Variants in ARIH1 observed in about 807,000 individuals in gnomAD.
ARIH1 encodes the protein E3 ubiquitin-protein ligase ARIH1.
ARIH1 carries 8 observed loss-of-function variants against 85.0 expected under a neutral mutation model. That is an observed-to-expected ratio of 0.09 (90% confidence interval 0.06 to 0.17). ARIH1 has a LOEUF of 0.17. ARIH1 is among the 10% of genes least tolerant of loss of function. ARIH1 has a pLI of 1.00. For missense variants in ARIH1, 311 were observed against 718.1 expected (o/e 0.43, Z 6.48); for synonymous variants, 238 against 253.6 (o/e 0.94, Z 0.59).
At chr15:72,561,797 A>C (rs948243551) in intron 6 of ARIH1, among the ~76,000 whole-genome samples, 1 of 152,030 alleles carries the variant, frequency 6.6e-6, no homozygotes, top group Non-Finnish European at 1.5e-5. Flanking sequence ...ACATGGCGAA[A>C]CCCTGTCTCT....
At chr15:72,506,980 TTATGTATG>T (rs72006883) in intron 1 of ARIH1, among the ~76,000 whole-genome samples, 14,366 of 149,992 alleles carry the variant, frequency 0.096, 744 homozygotes, top group African/African-American at 0.12. Flanking sequence ...GTGATTATTT[TTATGTATG>T]TATGTATGTA....
intron 1 of ARIH1, among the ~76,000 whole-genome samples, chr15:72,482,258 G>A (rs916686407): frequency 6.6e-6 from 1 of 152,110 alleles, no homozygotes; most frequent in Non-Finnish European, 1.5e-5. Context: ...TTATTAGTAT[G>A]CTGGAAGAGA....
rs754582687 is a variant in ARIH1 at position 72,595,592 on chromosome 15, C to T, written c.*12300C>T. 2 of 152,278 alleles carry T rather than the reference C, an allele frequency of 1.3e-5. No individual in the cohort carries two copies. The highest frequency in any genetic ancestry group is 2.4e-5 in the African/African-American group (1 of 41,452). The allele number at this position is 152,278 out of a possible 1,614,324, so 9.4% of individuals were successfully genotyped here. A position where few individuals can be genotyped will look rare whatever the true frequency, so the allele number is the denominator to read the frequency against. ...TTTCTTGGCTCCAGCAATCATCCTG[C>T]CTCAGCCTCCCGAGTAGCTGGGACC... On this transcript the variant is annotated 3_prime_UTR_variant, in exon 14 of 14. Transcript: ENST00000379887.
intron 11 of ARIH1, among the ~76,000 whole-genome samples, chr15:72,575,323 A>G (rs1268039310): frequency 6.6e-6 from 1 of 152,148 alleles, no homozygotes; most frequent in South Asian, 2.1e-4. Context: ...TCACGCCTGC[A>G]ATCCTAGCAC....
intron 5 of ARIH1, among the ~76,000 whole-genome samples, chr15:72,560,946 C>T (rs2064194932): frequency 6.6e-6 from 1 of 152,076 alleles, no homozygotes; most frequent in South Asian, 2.1e-4. Flanking sequence ...CAGAAGAGGC[C>T]AGGATGCAGT....
At chr15:72,504,285 C>A (rs1462432394) in intron 1 of ARIH1, among the ~76,000 whole-genome samples, 2 of 152,038 alleles carry the variant, frequency 1.3e-5, no homozygotes, top group Non-Finnish European at 2.9e-5. Flanking sequence ...GAGCTTCTGA[C>A]CTCAGGTTAA....
At chr15:72,511,855 G>T (rs1040522210) in intron 1 of ARIH1, among the ~76,000 whole-genome samples, 2 of 151,974 alleles carry the variant, frequency 1.3e-5, no homozygotes, top group South Asian at 4.1e-4. Flanking sequence ...CTTCTTTTTC[G>T]TTTCCTAGTT....
chr15:72,581,980 A>G (rs1199403108), intron 12 of ARIH1, 95 bp from the exon 13 acceptor site: 1 of 725,610 alleles, frequency 1.4e-6, no homozygotes, highest in East Asian at 2.6e-5. Context: ...TTACAGAATG[A>G]GTGTTGAGAG....
intron 1 of ARIH1, among the ~76,000 whole-genome samples, chr15:72,515,243 A>G (rs2063969959): frequency 2.0e-5 from 3 of 152,270 alleles, no homozygotes; most frequent in South Asian, 4.2e-4. Context: ...AGGCTGAGGC[A>G]GGAGAATTGC....
intron 2 of ARIH1, among the ~76,000 whole-genome samples, chr15:72,523,983 T>C (rs2064013461): frequency 6.8e-6 from 1 of 147,570 alleles, no homozygotes; most frequent in Non-Finnish European, 1.5e-5. Flanking sequence ...GTCTCGCTCT[T>C]TTGCCCAGGC....
At chr15:72,496,522 A>C (rs570098046) in intron 1 of ARIH1, among the ~76,000 whole-genome samples, 1 of 152,218 alleles carries the variant, frequency 6.6e-6, no homozygotes, top group Non-Finnish European at 1.5e-5. Context: ...CCTGGTTACA[A>C]AAGTGCCTGC....
rs992161436 is a variant in ARIH1 at position 72,585,682 on chromosome 15, C to T, written c.*2390C>T. The T allele has an allele frequency of 2.6e-5, 4 of 152,140 alleles. No individual in the cohort carries two copies. Among genetic ancestry groups the T allele is most frequent in the Non-Finnish European group, 5.9e-5 (4 of 68,018 alleles). The allele number at this position is 152,140 out of a possible 1,614,324, so 9.4% of individuals were successfully genotyped here. A position where few individuals can be genotyped will look rare whatever the true frequency, so the allele number is the denominator to read the frequency against. On this transcript the variant is annotated 3_prime_UTR_variant, in exon 14 of 14. Coordinates refer to ENST00000379887, the MANE Select transcript of ARIH1 (RefSeq NM_005744.5). ...GAACAGTGCTTTTTAGAGATGCTTT[C>T]TATTTCAATGTTGGCATACTGCCTG...
chr15:72,496,075 T>TA (rs1040340727), intron 1 of ARIH1, among the ~76,000 whole-genome samples: 1 of 152,034 alleles, frequency 6.6e-6, no homozygotes, highest in East Asian at 1.9e-4. Context: ...CACACCTAAT[T>TA]AAAAAAAATT....
intron 1 of ARIH1, among the ~76,000 whole-genome samples, chr15:72,505,128 T>C (rs1467813268): frequency 2.6e-5 from 4 of 152,180 alleles, no homozygotes; most frequent in Admixed American, 2.6e-4. Flanking sequence ...ACAGATCACC[T>C]CAGGAACACT....
At position 72,555,373 on chromosome 15, in the gene ARIH1, T is replaced by G. The variant is rs773732371; in HGVS notation, c.681+10T>G. 3 of 1,599,338 alleles carry G rather than the reference T, an allele frequency of 1.9e-6. No homozygotes were observed. Among genetic ancestry groups the G allele is most frequent in the Non-Finnish European group, 2.6e-6 (3 of 1,167,434 alleles). On this transcript the variant is annotated intron_variant, in intron 4 of 13. Transcript: ENST00000379887. ...AGAAGGCATGGGTCAGGTAAAGATA[T>G]CAAGTTGTTTTTCAGTTTTTGTTGA...
At chr15:72,554,443 T>C (rs1359054671) in intron 3 of ARIH1, among the ~76,000 whole-genome samples, 1 of 152,118 alleles carries the variant, frequency 6.6e-6, no homozygotes, top group Non-Finnish European at 1.5e-5. Context: ...TGGAGTGCAG[T>C]GGCATGATGA....
chr15:72,576,174 G>A (rs2064270042), intron 11 of ARIH1, among the ~76,000 whole-genome samples: 2 of 151,978 alleles, frequency 1.3e-5, no homozygotes. Context: ...GAAAGAGGAG[G>A]TAAGGATAAA....
intron 3 of ARIH1, among the ~76,000 whole-genome samples, chr15:72,551,751 T>C (rs2064153876): frequency 6.6e-6 from 1 of 152,160 alleles, no homozygotes; most frequent in African/African-American, 2.4e-5. Context: ...TACTTATAAA[T>C]GGCCAATTTC....
chr15:72,554,448 T>C (rs1316404819), intron 3 of ARIH1, among the ~76,000 whole-genome samples: 1 of 152,192 alleles, frequency 6.6e-6, no homozygotes, highest in Non-Finnish European at 1.5e-5. Flanking sequence ...TGCAGTGGCA[T>C]GATGACAGCT....
Sources: allele counts gnomAD v4.1 joint callset (sites outside exome capture counted in the v4.1 genomes callset), GRCh38; gene constraint gnomAD v4.1.1; transcripts MANE v1.5; gene names NCBI Gene and HGNC (gene_info 2026-07-23, HGNC 2026-07-21).